PCDH15: variants seen among roughly 807,000 people sequenced by gnomAD.
PCDH15 encodes the protein protocadherin-15.
In PCDH15, 129 loss-of-function variants were observed where a neutral mutation model predicts 178.5. That is an observed-to-expected ratio of 0.72 (90% CI 0.63 to 0.84). The LOEUF (loss-of-function observed/expected upper bound fraction) is 0.84. PCDH15 is among the 40% of genes least tolerant of loss of function. The probability of loss-of-function intolerance (pLI) is 0.00; values close to 1 mark genes in which losing one functional copy is unlikely to be tolerated. For missense variants in PCDH15, 2,230 were observed against 2,099.9 expected (o/e 1.06, Z -1.21); for synonymous variants, 800 against 732.0 (o/e 1.09, Z -1.50).
chr10:54,434,960 T>G (rs1243921095), intron 3 of PCDH15, among the ~76,000 whole-genome samples: 4 of 152,186 alleles, frequency 2.6e-5, no homozygotes, highest in African/African-American at 4.8e-5. Context: ...TGTGAAAAAC[T>G]GAAAATCTCT....
chr10:55,118,531 T>C (rs1188756293), intron 2 of PCDH15, among the ~76,000 whole-genome samples: 3 of 152,192 alleles, frequency 2.0e-5, no homozygotes, highest in Admixed American at 2.0e-4. Flanking sequence ...CAAACTGTCT[T>C]AGAATTTGTG....
chr10:55,331,121 A>G (rs1844188459), intron 2 of PCDH15, among the ~76,000 whole-genome samples: 1 of 152,044 alleles, frequency 6.6e-6, no homozygotes. Context: ...TTTCTCCTTC[A>G]TCTCTTCATT....
rs958581624 is a variant in PCDH15 at position 53,999,161 on chromosome 10, G to A, written c.2752-3396C>T. Reference sequence around the variant, plus strand: ...ACACAGACAGTATAAGCCAATGGGCGGAATGACTTTAGTTGTTTCTGTCTT... The same window carrying A: ...ACACAGACAGTATAAGCCAATGGGCAGAATGACTTTAGTTGTTTCTGTCTT... On this transcript the variant is annotated intron_variant, in intron 20 of 37. Coordinates refer to ENST00000644397, the MANE Select transcript of PCDH15 (RefSeq NM_001384140.1). Among the ~76,000 whole-genome samples the A allele has an allele frequency of 5.3e-5, 8 of 152,154 alleles. No homozygotes were observed. The South Asian group carries it at 1.0e-3, about 20-fold the overall frequency.
intron 3 of PCDH15, among the ~76,000 whole-genome samples, chr10:54,872,438 A>G (rs948697048): frequency 4.6e-5 from 7 of 152,182 alleles, no homozygotes; most frequent in African/African-American, 1.7e-4. Flanking sequence ...ACTTAAAATA[A>G]TAAACCTACC....
rs563031461 is a variant in PCDH15, at chr10:55,423,014, T to C, written c.-156+204611A>G. Among the ~76,000 whole-genome samples the C allele has an allele frequency of 1.1e-4, 16 of 151,964 alleles. No homozygotes were observed. The South Asian group carries it at 2.9e-3, about 28-fold the overall frequency. On this transcript the variant is annotated intron_variant, in intron 2 of 5. Transcript: ENST00000613346. Reference sequence around the variant, plus strand: ...AATTTAGAGTACAATGTACATAAATTACTAAAAATAAGGACTATAGAAGTT... The same window carrying C: ...AATTTAGAGTACAATGTACATAAATCACTAAAAATAAGGACTATAGAAGTT...
intron 5 of PCDH15, among the ~76,000 whole-genome samples, chr10:54,359,039 T>G (rs539057124): frequency 7.2e-4 from 107 of 148,732 alleles, no homozygotes; most frequent in African/African-American, 2.5e-3. Flanking sequence ...AGGGATAGCA[T>G]TAGGAGATAT....
intron 28 of PCDH15, among the ~76,000 whole-genome samples, chr10:53,851,078 G>C (rs2078326355): frequency 6.6e-6 from 1 of 151,994 alleles, no homozygotes; most frequent in African/African-American, 2.4e-5. Context: ...CTTTCTCTGG[G>C]TTTTCATAAC....
At chr10:54,612,594 A>C (rs1420254190) in intron 2 of PCDH15, among the ~76,000 whole-genome samples, 6 of 151,770 alleles carry the variant, frequency 4.0e-5, no homozygotes, top group Admixed American at 3.9e-4. Flanking sequence ...AGTTTGAAAA[A>C]CAAACTGCAG....
At chr10:54,773,046 A>G (rs1052684924) in intron 1 of PCDH15, among the ~76,000 whole-genome samples, 1 of 151,882 alleles carries the variant, frequency 6.6e-6, no homozygotes, top group Non-Finnish European at 1.5e-5. Context: ...TGGGAGCTGA[A>G]TTATGAGAAC....
intron 2 of PCDH15, among the ~76,000 whole-genome samples, chr10:54,537,811 G>C (rs1487903913): frequency 4.0e-5 from 6 of 151,812 alleles, no homozygotes; most frequent in Admixed American, 3.9e-4. Context: ...ATAGCATTTT[G>C]ACTGGTGTGA....
intron 18 of PCDH15, among the ~76,000 whole-genome samples, chr10:54,040,651 G>A (rs994763061): frequency 6.6e-6 from 1 of 151,902 alleles, no homozygotes; most frequent in Non-Finnish European, 1.5e-5. Flanking sequence ...TGTATGTATG[G>A]AGATATATAT....
Position 53,831,338 on chromosome 10 carries a change from C to G in PCDH15, c.4179G>C (p.Leu1393Phe). The G allele has an allele frequency of 5.6e-6, 9 of 1,614,096 alleles. No homozygotes were observed. Among genetic ancestry groups the G allele is most frequent in the South Asian group, 1.1e-5 (1 of 91,072 alleles). Residue 1393 changes from leucine (L) to phenylalanine (F), a missense_variant, in exon 30 of 38, where the codon TTG (leucine) becomes TTC (phenylalanine). Leu to Phe is a conservative substitution (Grantham distance 22). Transcript: ENST00000644397. ...ACTGTCTGTAGCTGACCAAAACCAC[C>G]AAGATGGCAGGAATGCAGCAGAGGA... ...IIILCCIPAI[L>F]VVLVSYRQFK... is the part of the protein sequence containing the mutation.
chr10:55,521,299 C>T (rs762422088), intron 2 of PCDH15, among the ~76,000 whole-genome samples: 9 of 151,912 alleles, frequency 5.9e-5, no homozygotes, highest in Non-Finnish European at 5.9e-5. Context: ...TACAGATGCT[C>T]CTCAATTTAT....
At chr10:55,606,651 A>G (rs1158773318) in intron 2 of PCDH15, among the ~76,000 whole-genome samples, 3 of 148,360 alleles carry the variant, frequency 2.0e-5, no homozygotes, top group Non-Finnish European at 4.5e-5. Context: ...TGGGGAAAGG[A>G]TTCCCTATTT....
intron 6 of PCDH15, among the ~76,000 whole-genome samples, chr10:54,337,391 A>C (rs778969759): frequency 3.9e-5 from 6 of 152,080 alleles, no homozygotes; most frequent in Non-Finnish European, 5.9e-5. Context: ...CTCACCTTGA[A>C]CTGTAGCTCC....
intron 2 of PCDH15, among the ~76,000 whole-genome samples, chr10:55,153,280 A>G (rs572875895): frequency 1.3e-5 from 2 of 152,184 alleles, no homozygotes; most frequent in East Asian, 1.9e-4. Context: ...TCCTGCCCAC[A>G]GTGGCCCCCA....
chr10:53,935,210 A>G (rs2085462654), intron 25 of PCDH15, among the ~76,000 whole-genome samples: 1 of 152,220 alleles, frequency 6.6e-6, no homozygotes, highest in African/African-American at 2.4e-5. Context: ...ATCCAGTCAA[A>G]TTGGTCTTCA....
At chr10:55,060,826 A>T (rs1841410904) in intron 2 of PCDH15, among the ~76,000 whole-genome samples, 1 of 152,106 alleles carries the variant, frequency 6.6e-6, no homozygotes, top group Non-Finnish European at 1.5e-5. Flanking sequence ...TGAAGAAGTG[A>T]TAGCCATTTC....
intron 2 of PCDH15, among the ~76,000 whole-genome samples, chr10:54,530,441 T>A (rs1260114754): frequency 6.6e-6 from 1 of 152,168 alleles, no homozygotes; most frequent in Non-Finnish European, 1.5e-5. Context: ...TACTAATGTG[T>A]CTTTCTCTCT....
Sources: gnomAD v4.1 joint callset for allele counts (sites outside exome capture counted in the v4.1 genomes callset) on GRCh38, gnomAD v4.1.1 for gene constraint, MANE v1.5 for transcripts, NCBI Gene and HGNC (gene_info 2026-07-23, HGNC 2026-07-21) for gene names.